POLR3A: variants seen among roughly 807,000 people sequenced by gnomAD.
POLR3A encodes DNA-directed RNA polymerase III subunit RPC1.
POLR3A carries 112 observed loss-of-function variants against 152.8 expected under a neutral mutation model. The observed-to-expected ratio is 0.73, with a 90% CI of 0.63 to 0.86. POLR3A has a LOEUF of 0.86. Among genes scored for constraint, POLR3A ranks in the 40% least tolerant of loss-of-function variants. POLR3A has a pLI of 0.00. For missense variants in POLR3A, 1,385 were observed against 1,743.1 expected (o/e 0.79, Z 3.66); for synonymous variants, 615 against 652.1 (o/e 0.94, Z 0.87).
At chr10:78,020,767 G>A (rs1425303129) in intron 8 of POLR3A, among the ~76,000 whole-genome samples, 2 of 152,112 alleles carry the variant, frequency 1.3e-5, no homozygotes, top group South Asian at 2.1e-4. Flanking sequence ...CAGCCTGGGC[G>A]ACAGAGCGAG....
intron 26 of POLR3A, among the ~76,000 whole-genome samples, chr10:77,983,329 T>C (rs1458845418): frequency 6.6e-6 from 1 of 152,220 alleles, no homozygotes; most frequent in Non-Finnish European, 1.5e-5. Context: ...CATATGAACT[T>C]GATGCGTGAG....
intron 19 of POLR3A, among the ~76,000 whole-genome samples, chr10:77,994,940 C>A (rs374971715): frequency 0.021 from 3,207 of 152,172 alleles, 110 homozygotes; most frequent in African/African-American, 0.072. Context: ...AAAGGGAAGC[C>A]CATCAGACTA....
At chr10:78,009,488 C>T (rs1314670882) in intron 14 of POLR3A, 49 bp downstream of exon 14, 2 of 1,613,832 alleles carry the variant, frequency 1.2e-6, no homozygotes, top group Non-Finnish European at 1.7e-6. Flanking sequence ...CAGCCACTTG[C>T]TTTTCTGTCA....
chr10:78,009,683 G>C lies in POLR3A; in HGVS notation c.1771-8C>G, dbSNP rs778953563. The C allele has an allele frequency of 5.0e-6, 8 of 1,614,012 alleles. No individual in the cohort carries two copies. The highest frequency in any genetic ancestry group is 5.9e-6 in the Non-Finnish European group (7 of 1,180,040). ...CGTCCACAGGGTGACAGGCTGAGGG[G>C]GGGAGGAAGCCTGAGAGTCAGTGGG... On this transcript the variant is annotated splice_polypyrimidine_tract_variant and splice_region_variant and intron_variant, in intron 13 of 30. Transcript: ENST00000372371.
chr10:78,000,429 T>C (rs1331736980), intron 18 of POLR3A, among the ~76,000 whole-genome samples: 1 of 152,186 alleles, frequency 6.6e-6, no homozygotes, highest in African/African-American at 2.4e-5. Flanking sequence ...GAGGACACCC[T>C]GTGGATGGAG....
intron 17 of POLR3A, among the ~76,000 whole-genome samples, chr10:78,001,612 T>A (rs902688883): frequency 1.3e-5 from 2 of 152,152 alleles, no homozygotes; most frequent in Non-Finnish European, 2.9e-5. Flanking sequence ...GAATGCATTA[T>A]CATAAAACCA....
In POLR3A at chr10:78,000,985, T is replaced by C; in HGVS notation, c.2469A>G (p.Lys823=). The change falls in exon 18 of 31, where the codon AAA becomes AAG. Residue 823 remains lysine (K), a synonymous_variant. Coordinates refer to ENST00000372371, the MANE Select transcript of POLR3A (RefSeq NM_007055.4). ...ATCTGCTACTGCTTACCTTTGAGTG[T>C]TTTTCAAAATGAGGCAAGGACCTGT... ...FENRSLPHFE[K]HSKLPAAKGF... 3.8e-6 allele frequency: 6 copies of C among 1,569,854 alleles called. No individual in the cohort carries two copies. Among genetic ancestry groups the C allele is most frequent in the South Asian group, 2.2e-5 (2 of 90,202 alleles).
chr10:77,981,630 C>T, intron 28 of POLR3A, 71 bp from the exon 29 acceptor site: 1 of 1,555,682 alleles, frequency 6.4e-7, no homozygotes. Flanking sequence ...CCACTTTCTC[C>T]TCTGCCCTGC....
At chr10:78,008,735 T>C (rs1441322111) in intron 14 of POLR3A, among the ~76,000 whole-genome samples, 1 of 151,372 alleles carries the variant, frequency 6.6e-6, no homozygotes, top group African/African-American at 2.4e-5. Flanking sequence ...CCTGGCTGGG[T>C]GAGGTGGCTC....
At chr10:78,025,984 G>T in intron 2 of POLR3A, 110 bp downstream of exon 2, 1 of 1,372,632 alleles carries the variant, frequency 7.3e-7, no homozygotes, top group Non-Finnish European at 1.0e-6. Context: ...AATATGTGCA[G>T]GGGGGAATTG....
chr10:78,005,285 CCAGATGTTTGTGAT>C (rs1296429876), intron 15 of POLR3A, among the ~76,000 whole-genome samples: 1 of 152,206 alleles, frequency 6.6e-6, no homozygotes, highest in Non-Finnish European at 1.5e-5. Flanking sequence ...TCGCTTGATC[CCAGATGTTTGTGAT>C]CAGCCTCATC....
At chr10:78,021,053 C>G (rs1408548629) in intron 8 of POLR3A, among the ~76,000 whole-genome samples, 2 of 152,120 alleles carry the variant, frequency 1.3e-5, no homozygotes, top group African/African-American at 4.8e-5. Context: ...CAACCTCCAC[C>G]TTCCATGCTC....
Position 77,991,041 on chromosome 10 carries a change from T to C in POLR3A, c.2901+13A>G, listed in dbSNP as rs748146335. The C allele has an allele frequency of 1.1e-4, 159 of 1,486,310 alleles. 1 individual carries two copies. The highest frequency in any genetic ancestry group is 7.0e-4 in the Middle Eastern group (4 of 5,678). The allele number at this position is 1,486,310 out of a possible 1,614,324, so 92.1% of individuals were successfully genotyped here. A position where few individuals can be genotyped will look rare whatever the true frequency, so the allele number is the denominator to read the frequency against. Reference sequence around the variant, plus strand: ...CAGGCTGGGTGCAGTAGCCAGCACCTGGCAGAGCTCACCTGCAGGAAGCTG... The same window carrying C: ...CAGGCTGGGTGCAGTAGCCAGCACCCGGCAGAGCTCACCTGCAGGAAGCTG... On this transcript the variant is annotated intron_variant, in intron 21 of 30. Coordinates refer to ENST00000372371, the MANE Select transcript of POLR3A (RefSeq NM_007055.4).
Position 77,982,198 on chromosome 10 carries a change from G to C in POLR3A, c.3715C>G (p.His1239Asp). Residue 1239 changes from histidine (H) to aspartate (D), a missense_variant, in exon 28 of 31, where the codon CAC becomes GAC. Physicochemically the swap from His to Asp is moderately conservative, Grantham distance 81 (BLOSUM62 -1). Around this residue, in one of 7 missense-constraint regions of POLR3A, gnomAD observed 332 missense variants for 400.1 expected, o/e 0.83. Transcript: ENST00000372371. ...GDNLRAVMAT[H>D]GVKGTRTTSN... ...GTGGTTCGGGTGCCCTTCACACCGT[G>C]TGTGGCCATGACTGCCCGCAGGTTA... 1 of 1,614,132 alleles carries C rather than the reference G, an allele frequency of 6.2e-7. No homozygotes were observed. Among genetic ancestry groups the C allele is most frequent in the Non-Finnish European group, 8.5e-7 (1 of 1,180,026 alleles).
chr10:78,011,037 G>A lies in POLR3A; in HGVS notation c.1573-497C>T, dbSNP rs530542661. Among the ~76,000 whole-genome samples the A allele has an allele frequency of 5.4e-4, 82 of 152,028 alleles. 1 individual carries two copies. The South Asian group carries it at 0.016, about 30-fold the overall frequency. ...GTTTTTGCATTTTTTTTGTGGAGAC[G>A]GGGTCTTACTTTGTTGCCCAGACTG... is the stretch of plus-strand genomic sequence containing the variant. On this transcript the variant is annotated intron_variant, in intron 11 of 30. Transcript: ENST00000372371.
At position 77,981,524 on chromosome 10, in the gene POLR3A, T is replaced by G; in HGVS notation, c.3795A>C (p.Thr1265=). The change falls in exon 29 of 31, where the codon ACA becomes ACC. Residue 1265 remains threonine, a synonymous_variant. Transcript: ENST00000372371. ...TGTACTGGATTTCATTGATGATCGT[T>G]GTCCGGGCGGCCTCGATGCCCAGAG... is the stretch of plus-strand genomic sequence containing the variant. ...EKTLGIEAAR[T]TIINEIQYTM... 6.2e-7 allele frequency: 1 copy of G among 1,614,036 alleles called. No individual in the cohort carries two copies. Among genetic ancestry groups the G allele is most frequent in the South Asian group, 1.1e-5 (1 of 91,068 alleles).
Position 78,022,191 on chromosome 10 carries a change from G to C in POLR3A, c.839C>G (p.Thr280Arg). The C allele has an allele frequency of 6.2e-7, 1 of 1,614,084 alleles. No individual in the cohort carries two copies. The highest frequency in any genetic ancestry group is 8.5e-7 in the Non-Finnish European group (1 of 1,179,958). ...GAAAATGATTTCTGTCAGTTTCATT[G>C]TCAGATCATCTTCATTGGTGCCAGA... ...LKSGTNEDDL[T>R]MKLTEIIFLN... The change falls in exon 6 of 31, where the codon ACA becomes AGA. Residue 280 changes from threonine to arginine, a missense_variant. This residue lies in a region of POLR3A where 493 missense variants were observed against 647.5 expected (regional missense o/e 0.76). Coordinates refer to ENST00000372371, the MANE Select transcript of POLR3A (RefSeq NM_007055.4).
In POLR3A at chr10:78,021,505, G is replaced by C. The variant is rs1471651198; in HGVS notation, c.1185+41C>G. On this transcript the variant is annotated intron_variant, in intron 8 of 30. Coordinates refer to ENST00000372371, the MANE Select transcript of POLR3A (RefSeq NM_007055.4). Reference sequence around the variant, plus strand: ...ATACCAAAATATAACGTAAAAGACTGAATTTAAAACAAAGAATTGAGCAGC... The same window carrying C: ...ATACCAAAATATAACGTAAAAGACTCAATTTAAAACAAAGAATTGAGCAGC... The C allele has an allele frequency of 2.5e-6, 4 of 1,609,026 alleles. No individual in the cohort carries two copies. The African/African-American group carries it at 5.3e-5, about 22-fold the overall frequency.
chr10:77,982,987 T>C (rs1318872538), intron 26 of POLR3A, among the ~76,000 whole-genome samples, 170 bp from the exon 27 acceptor site: 3 of 152,222 alleles, frequency 2.0e-5, no homozygotes, highest in Non-Finnish European at 4.4e-5. Flanking sequence ...ACTATATGTG[T>C]ATATATATCT....
Sources: allele counts gnomAD v4.1 joint callset (sites outside exome capture counted in the v4.1 genomes callset), GRCh38; gene constraint gnomAD v4.1.1; regional missense constraint gnomAD v4.1.1; transcripts MANE v1.5; gene names NCBI Gene and HGNC (gene_info 2026-07-23, HGNC 2026-07-21).